The following EPHB1 variants were observed in gnomAD, a reference collection of about 807,000 sequenced individuals.
EPHB1 encodes EPH receptor B1.
Under a neutral mutation model 94.4 loss-of-function variants are expected in EPHB1, and 30 were observed. The ratio of observed to expected loss-of-function variants is 0.32; its 90% CI spans 0.24 to 0.43. EPHB1 has a LOEUF of 0.43. Among genes scored for constraint, EPHB1 ranks in the 20% least tolerant of loss-of-function variants. The pLI, the probability that EPHB1 is intolerant of heterozygous loss-of-function variation, is 1.00. For synonymous variants in EPHB1, 522 were observed against 489.1 expected (o/e 1.07, Z -0.89); for missense variants, 1,055 against 1,308.3 (o/e 0.81, Z 2.99).
intron 2 of EPHB1, among the ~76,000 whole-genome samples, chr3:134,948,316 A>C (rs1264597069): frequency 7.0e-6 from 1 of 143,634 alleles, no homozygotes; most frequent in Non-Finnish European, 1.5e-5. Flanking sequence ...GTGTTTCAAC[A>C]ATAGCAGAAC....
intron 12 of EPHB1, among the ~76,000 whole-genome samples, chr3:135,221,805 A>C (rs1943284390): frequency 6.6e-6 from 1 of 152,230 alleles, no homozygotes; most frequent in Non-Finnish European, 1.5e-5. Context: ...TCTTTAAGTA[A>C]ACCCCTAATG....
chr3:135,194,466 GA>G (rs1559870071), intron 11 of EPHB1, among the ~76,000 whole-genome samples: 1 of 152,220 alleles, frequency 6.6e-6, no homozygotes, highest in African/African-American at 2.4e-5. Context: ...CCAGACAAGC[GA>G]GAAGCAGGTA....
intron 3 of EPHB1, among the ~76,000 whole-genome samples, chr3:135,076,368 G>A (rs1937922185): frequency 6.6e-6 from 1 of 151,818 alleles, no homozygotes; most frequent in South Asian, 2.1e-4. Flanking sequence ...TTATACACAT[G>A]AAAATATGCC....
chr3:134,808,006 A>G (rs1004309009), intron 1 of EPHB1, among the ~76,000 whole-genome samples: 5 of 152,234 alleles, frequency 3.3e-5, no homozygotes, highest in Non-Finnish European at 5.9e-5. Flanking sequence ...GATGAATTCA[A>G]CAAGAAGGCA....
At chr3:134,882,765 C>CCTT (rs1553861897) in intron 1 of EPHB1, among the ~76,000 whole-genome samples, 7 of 79,880 alleles carry the variant, frequency 8.8e-5, no homozygotes, top group African/African-American at 1.3e-4. Context: ...TTCCTTCCTT[C>CCTT]CTTTCTTTCT....
At chr3:135,201,220 G>A (rs1361081472) in intron 11 of EPHB1, among the ~76,000 whole-genome samples, 2 of 151,896 alleles carry the variant, frequency 1.3e-5, no homozygotes, top group Non-Finnish European at 2.9e-5. Context: ...TTGGACTGGC[G>A]GCAGTGGAGA....
chr3:134,856,951 A>T (rs2037134443), intron 1 of EPHB1, among the ~76,000 whole-genome samples: 1 of 152,264 alleles, frequency 6.6e-6, no homozygotes, highest in South Asian at 2.1e-4. Context: ...TGCACATCTC[A>T]CTGAACTGTG....
intron 3 of EPHB1, among the ~76,000 whole-genome samples, chr3:134,972,006 C>T (rs998399011): frequency 2.7e-4 from 41 of 152,130 alleles, no homozygotes; most frequent in African/African-American, 9.4e-4. Flanking sequence ...CCCATTAACA[C>T]TTATAATAAT....
At chr3:135,006,174 A>G (rs1935403758) in intron 3 of EPHB1, among the ~76,000 whole-genome samples, 1 of 152,240 alleles carries the variant, frequency 6.6e-6, no homozygotes, top group South Asian at 2.1e-4. Flanking sequence ...AGTCTTAGGT[A>G]TTTCTGTACA....
intron 1 of EPHB1, among the ~76,000 whole-genome samples, chr3:134,896,413 G>A (rs1480634343): frequency 6.6e-6 from 1 of 152,182 alleles, no homozygotes; most frequent in Non-Finnish European, 1.5e-5. Context: ...AGCTTATTGA[G>A]GATTAACAGA....
intron 3 of EPHB1, among the ~76,000 whole-genome samples, chr3:135,015,355 C>T (rs1246284141): frequency 2.0e-5 from 3 of 152,088 alleles, no homozygotes; most frequent in African/African-American, 7.2e-5. Flanking sequence ...ATTCTCCTGC[C>T]TCAGCCTCCC....
chr3:134,952,371 TCA>T (rs796675356), intron 3 of EPHB1, among the ~76,000 whole-genome samples: 10 of 148,296 alleles, frequency 6.7e-5, no homozygotes, highest in East Asian at 3.9e-4. Context: ...TCTCTCTCTC[TCA>T]CACACACACA....
chr3:134,907,355 A>G (rs2038354576), intron 1 of EPHB1, among the ~76,000 whole-genome samples: 1 of 152,228 alleles, frequency 6.6e-6, no homozygotes, highest in African/African-American at 2.4e-5. Context: ...TTCTGCTGGT[A>G]GACAAAGCTT....
intron 3 of EPHB1, among the ~76,000 whole-genome samples, chr3:135,004,270 A>T (rs1224835057): frequency 1.3e-5 from 2 of 151,090 alleles, no homozygotes; most frequent in African/African-American, 2.4e-5. Flanking sequence ...TTTCTTTAAG[A>T]ATGTTGAATA....
At chr3:135,203,672 C>A (rs552608395) in intron 12 of EPHB1, among the ~76,000 whole-genome samples, 32 of 152,278 alleles carry the variant, frequency 2.1e-4, no homozygotes, top group Non-Finnish European at 3.8e-4. Context: ...CTGCACCTGC[C>A]CTGACGCATT....
intron 1 of EPHB1, among the ~76,000 whole-genome samples, chr3:134,829,263 T>TA (rs2036539235): frequency 6.6e-6 from 1 of 152,212 alleles, no homozygotes; most frequent in Admixed American, 6.5e-5. Context: ...GCTCCAGGCT[T>TA]GTTTTGGAGG....
chr3:134,970,105 A>C (rs1054129464), intron 3 of EPHB1, among the ~76,000 whole-genome samples: 1 of 152,214 alleles, frequency 6.6e-6, no homozygotes, highest in African/African-American at 2.4e-5. Context: ...AAACATTTTA[A>C]AGTTTGATGA....
intron 3 of EPHB1, among the ~76,000 whole-genome samples, chr3:135,080,911 G>A (rs942384014): frequency 4.6e-5 from 7 of 152,188 alleles, no homozygotes; most frequent in Admixed American, 6.5e-5. Flanking sequence ...CACTGCTATT[G>A]TGTTGTTTTG....
chr3:134,983,064 G>A (rs150146846), intron 3 of EPHB1, among the ~76,000 whole-genome samples: 2 of 152,240 alleles, frequency 1.3e-5, no homozygotes, highest in Non-Finnish European at 2.9e-5. Context: ...CCTATATATC[G>A]ATATAAGGCT....
Sources: gnomAD v4.1 joint callset for allele counts (sites outside exome capture counted in the v4.1 genomes callset) on GRCh38, gnomAD v4.1.1 for gene constraint, MANE v1.5 for transcripts, NCBI Gene and HGNC (gene_info 2026-07-23, HGNC 2026-07-21) for gene names.